The following SLC6A12 variants were observed in gnomAD, a reference collection of about 807,000 sequenced individuals.
SLC6A12 encodes solute carrier family 6 member 12.
In SLC6A12, 50 loss-of-function variants were observed where a neutral mutation model predicts 73.3. That is an observed-to-expected ratio of 0.68 (90% CI 0.54 to 0.86). SLC6A12 has a LOEUF of 0.86. Among genes scored for constraint, SLC6A12 ranks in the 40% least tolerant of loss-of-function variants. The pLI, the probability that SLC6A12 is intolerant of heterozygous loss-of-function variation, is 0.00. For synonymous variants in SLC6A12, 304 were observed against 309.2 expected (o/e 0.98, Z 0.18); for missense variants, 648 against 772.8 (o/e 0.84, Z 1.92).
chr12:189,556 G>A (rs1048867267), downstream of SLC6A12, among the ~76,000 whole-genome samples: 1 of 152,122 alleles, frequency 6.6e-6, no homozygotes, highest in Non-Finnish European at 1.5e-5. Context: ...GCCCCTGGGC[G>A]GGGGGTCCAG....
In SLC6A12 at chr12:203,059, C is replaced by CTT. The variant is rs10582500; in HGVS notation, c.350-181_350-180dup. 9.3e-3 allele frequency among the ~76,000 whole-genome samples: 638 copies of CTT among 68,258 alleles called. 3 individuals are homozygous for CTT. Among genetic ancestry groups the CTT allele is most frequent in the Middle Eastern group, 0.036 (3 of 84 alleles). 44.8% of individuals were successfully genotyped at this position (68,258 alleles called of 152,430 possible). A position where few individuals can be genotyped will look rare whatever the true frequency, so the allele number is the denominator to read the frequency against. ...CATATTTTTCTTTCTTTTTTCTTTT[C>CTT]TTTTTTTTTTTTTTTTTTTTTTTTT... On this transcript the variant is annotated intron_variant, in intron 4 of 15. Transcript: ENST00000684302.
rs774145115 is a variant in SLC6A12, at chr12:197,512, G to A, written c.951-11C>T. The A allele has an allele frequency of 5.0e-6, 8 of 1,611,204 alleles. No individual in the cohort carries two copies. The highest frequency in any genetic ancestry group is 4.5e-5 in the East Asian group (2 of 44,818). ...AGGGCGATGCAGTCCCTGTGGGAGT[G>A]GGGCAAGGGCAGACAGGAACGGGGA... On this transcript the variant is annotated splice_polypyrimidine_tract_variant and intron_variant, in intron 9 of 15. Coordinates refer to ENST00000684302, the MANE Select transcript of SLC6A12 (RefSeq NM_001122848.3).
chr12:196,975 T>G, intron 10 of SLC6A12, 93 bp from the exon 11 acceptor site: 1 of 785,898 alleles, frequency 1.3e-6, no homozygotes, highest in Middle Eastern at 3.4e-4. Flanking sequence ...TGTGTGTACC[T>G]GTGCACACAC....
intron 11 of SLC6A12, 98 bp from the exon 12 acceptor site, chr12:196,359 C>G: frequency 7.1e-7 from 1 of 1,414,052 alleles, no homozygotes. Context: ...CACTGATGCA[C>G]AGGGGTGCAG....
downstream of SLC6A12, among the ~76,000 whole-genome samples, chr12:188,666 G>C (rs900626370): frequency 9.9e-5 from 14 of 141,212 alleles, no homozygotes; most frequent in African/African-American, 3.9e-4. Context: ...CCTTACGCAC[G>C]CACGTCGTAT....
chr12:196,731 G>C lies in SLC6A12; in HGVS notation c.1188+39C>G, dbSNP rs993851297. 4.9e-6 allele frequency: 7 copies of C among 1,426,512 alleles called. No individual in the cohort carries two copies. In the African/African-American group the frequency reaches 9.8e-5, roughly 20 times the overall value. 88.4% of individuals were successfully genotyped at this position (1,426,512 alleles called of 1,614,324 possible). ...CAGGACAAGCAAAGGCTTGCAAGAGGGTCACCACGGCAGGGCAGGCTGGGC... is the reference window on the plus strand; with the variant it reads ...CAGGACAAGCAAAGGCTTGCAAGAGCGTCACCACGGCAGGGCAGGCTGGGC... On this transcript the variant is annotated intron_variant, in intron 11 of 15. Coordinates refer to ENST00000684302, the MANE Select transcript of SLC6A12 (RefSeq NM_001122848.3).
At chr12:207,226 G>A (rs75411156) in intron 3 of SLC6A12, among the ~76,000 whole-genome samples, 8,203 of 152,324 alleles carry the variant, frequency 0.054, 284 homozygotes, top group East Asian at 0.1. Flanking sequence ...CTATGGGCAC[G>A]GGCGGCCCAG....
At chr12:197,126 C>CATCTATCCATCT (rs1565468989) in intron 10 of SLC6A12, among the ~76,000 whole-genome samples, 7 of 73,658 alleles carry the variant, frequency 9.5e-5, no homozygotes, top group East Asian at 5.7e-4. Flanking sequence ...TCCATCCATC[C>CATCTATCCATCT]ATCCATCCAT....
Position 200,628 on chromosome 12 carries a change from TC to T in SLC6A12, c.711+22del, listed in dbSNP as rs748174123. 5.6e-6 allele frequency: 9 copies of T among 1,612,028 alleles called. No homozygotes were observed. The South Asian group carries it at 9.9e-5, about 18-fold the overall frequency. On this transcript the variant is annotated intron_variant, in intron 7 of 15. Transcript: ENST00000684302. ...TAGACTCTGGGGGCCAAAGGGAGCT[TC>T]CCAGGAGGCAGGACATCTCACCTTG... is the stretch of plus-strand genomic sequence containing the variant.
chr12:186,914 C>T (rs931613032), downstream of SLC6A12, among the ~76,000 whole-genome samples: 1 of 152,190 alleles, frequency 6.6e-6, no homozygotes, highest in African/African-American at 2.4e-5. Flanking sequence ...CCTTCTGAGG[C>T]ACCAGGACCC....
chr12:201,651 G>A, intron 6 of SLC6A12, 111 bp downstream of exon 6: 1 of 833,834 alleles, frequency 1.2e-6, no homozygotes, highest in Non-Finnish European at 2.0e-6. Flanking sequence ...GGGGGAGGAA[G>A]TGCTGGAAAG....
chr12:197,049 T>TCATCCATCCATCCATCCGTCTACCCATC (rs1939903585), intron 10 of SLC6A12, among the ~76,000 whole-genome samples, 167 bp from the exon 11 acceptor site: 1 of 672 alleles, frequency 1.5e-3, no homozygotes, highest in African/African-American at 6.7e-3. Flanking sequence ...AGCATACCAT[T>TCATCCATCCATCCATCCGTCTACCCATC]CATCCATCCA....
In SLC6A12 at chr12:198,131, G is replaced by A; in HGVS notation, c.847-128C>T. ...AGTGCTCCCTGAGCGCTTCCCTCCTGCATCCCAACTCTCCGTGAGTGCGCC... is the reference window on the plus strand; with the variant it reads ...AGTGCTCCCTGAGCGCTTCCCTCCTACATCCCAACTCTCCGTGAGTGCGCC... On this transcript the variant is annotated intron_variant, in intron 8 of 15. Coordinates refer to ENST00000684302, the MANE Select transcript of SLC6A12 (RefSeq NM_001122848.3). This position sits in a 1 kb window ranked among gnomAD's most constrained non-coding sequence, Gnocchi z 4.0. 1 of 681,908 alleles carries A rather than the reference G, an allele frequency of 1.5e-6. No individual in the cohort carries two copies. Among genetic ancestry groups the A allele is most frequent in the African/African-American group, 1.8e-5 (1 of 55,842 alleles). The allele number at this position is 681,908 out of a possible 1,614,324, so 42.2% of individuals were successfully genotyped here.
Position 191,102 on chromosome 12 carries a change from C to G in SLC6A12, c.1811G>C (p.Gly604Ala). The change falls in exon 16 of 16, where the codon GGA (glycine) becomes GCA (alanine). Residue 604 changes from glycine to alanine, a missense_variant. Transcript: ENST00000684302. The part of the protein sequence containing the change: ...RNFGPSPTRE[G>A]LIAGEKETHL ...GGTCTCCTTCTCCCCGGCTATCAGT[C>G]CTTCCCTTGTTGGGGAGGGCCCAAA... 7.4e-7 allele frequency: 1 copy of G among 1,354,102 alleles called. No homozygotes were observed. The highest frequency in any genetic ancestry group is 1.5e-5 in the African/African-American group (1 of 67,518). The allele number at this position is 1,354,102 out of a possible 1,614,324, so 83.9% of individuals were successfully genotyped here. A position where few individuals can be genotyped will look rare whatever the true frequency, so the allele number is the denominator to read the frequency against.
downstream of SLC6A12, among the ~76,000 whole-genome samples, chr12:187,612 A>AAC (rs1939457495): frequency 1.2e-4 from 2 of 16,292 alleles, no homozygotes; most frequent in Non-Finnish European, 1.2e-3. Context: ...AAAAAAAAAA[A>AAC]AAAAAAAAAA....
At chr12:187,212 G>A (rs1215811779), downstream of SLC6A12, among the ~76,000 whole-genome samples, 1 of 152,156 alleles carries the variant, frequency 6.6e-6, no homozygotes, top group Non-Finnish European at 1.5e-5. Context: ...AAGGAAACGA[G>A]ATGAAAGTGT....
chr12:197,583 A>C, intron 9 of SLC6A12, 82 bp from the exon 10 acceptor site: 3 of 1,438,450 alleles, frequency 2.1e-6, no homozygotes, highest in Non-Finnish European at 2.8e-6. Context: ...AGGAGAGGTC[A>C]AAAGACAGTG....
At chr12:184,930 CAAA>C in the SLC6A12 span, among the ~76,000 whole-genome samples, 3 of 135,010 alleles carry the variant, frequency 2.2e-5, no homozygotes, top group Non-Finnish European at 3.3e-5. Flanking sequence ...GAAACTGTCT[CAAA>C]AAAAAAAAAA....
chr12:194,866 G>A (rs775756466), intron 13 of SLC6A12, among the ~76,000 whole-genome samples: 8 of 152,256 alleles, frequency 5.3e-5, no homozygotes, highest in African/African-American at 1.4e-4. Context: ...CAGTGTGGGA[G>A]TTTGCGGAGG....
Sources: allele counts gnomAD v4.1 joint callset (sites outside exome capture counted in the v4.1 genomes callset), GRCh38; gene constraint gnomAD v4.1.1; non-coding constraint Gnocchi (gnomAD v3.1); transcripts MANE v1.5; gene names NCBI Gene and HGNC (gene_info 2026-07-23, HGNC 2026-07-21).